The following RABGAP1L variants were observed in gnomAD, a reference collection of about 807,000 sequenced individuals.
RABGAP1L encodes rab GTPase-activating protein 1-like.
Under a neutral mutation model 137.7 loss-of-function variants are expected in RABGAP1L, and 63 were observed. That is an observed-to-expected ratio of 0.46 (90% CI 0.37 to 0.56). The LOEUF (loss-of-function observed/expected upper bound fraction) is 0.56, where lower values mean the gene tolerates loss of function less well. Ranked by LOEUF, RABGAP1L falls within the 20% of genes least tolerant of loss-of-function variation. The probability of loss-of-function intolerance (pLI) is 0.00; values close to 1 mark genes in which losing one functional copy is unlikely to be tolerated. For missense variants in RABGAP1L, 1,095 were observed against 1,244.0 expected (o/e 0.88, Z 1.80); for synonymous variants, 431 against 433.7 (o/e 0.99, Z 0.08).
At chr1:174,399,068 A>G (rs764516686) in intron 13 of RABGAP1L, among the ~76,000 whole-genome samples, 1 of 152,204 alleles carries the variant, frequency 6.6e-6, no homozygotes, top group Non-Finnish European at 1.5e-5. Flanking sequence ...TACAAACAAT[A>G]TAGAAATGTG....
intron 13 of RABGAP1L, among the ~76,000 whole-genome samples, chr1:174,611,565 T>C (rs889611520): frequency 6.7e-6 from 1 of 149,552 alleles, no homozygotes; most frequent in African/African-American, 2.5e-5. Flanking sequence ...ATATGAACTT[T>C]AAAGTAGTTT....
intron 17 of RABGAP1L, chr1:174,705,406 C>T (rs1679975173): frequency 6.6e-6 from 1 of 152,114 alleles, no homozygotes; most frequent in South Asian, 2.1e-4. Context: ...ATTTATTAGC[C>T]TTCCCGTCAC....
chr1:174,191,973 G>A lies in RABGAP1L; in HGVS notation c.-33-27152G>A, dbSNP rs572116258. Among the ~76,000 whole-genome samples the A allele has an allele frequency of 3.9e-5, 6 of 152,242 alleles. No homozygotes were observed. The South Asian group carries it at 1.2e-3, about 32-fold the overall frequency. ...TAGGACTGAATGCATTTATACTAGA[G>A]TCTGCTTTCTGTGCAGCAGTAAAAG... On this transcript the variant is annotated intron_variant, in intron 1 of 25. Coordinates refer to ENST00000681986, the MANE Select transcript of RABGAP1L (RefSeq NM_001366446.1).
chr1:174,984,057 C>CA (rs1163719976), intron 24 of RABGAP1L, among the ~76,000 whole-genome samples: 3,204 of 114,982 alleles, frequency 0.028, 104 homozygotes, highest in African/African-American at 0.091. Context: ...TTTCTTCTAA[C>CA]AAAAAAAAAA....
At chr1:174,337,607 T>A (rs1178104677) in intron 11 of RABGAP1L, among the ~76,000 whole-genome samples, 1 of 152,162 alleles carries the variant, frequency 6.6e-6, no homozygotes, top group Non-Finnish European at 1.5e-5. Context: ...TTGTAAAATG[T>A]TAACAGAGAA....
At chr1:174,232,048 A>G (rs1670706811) in intron 4 of RABGAP1L, among the ~76,000 whole-genome samples, 1 of 152,242 alleles carries the variant, frequency 6.6e-6, no homozygotes, top group African/African-American at 2.4e-5. Context: ...CTGAATGAGC[A>G]TAAAAATCTG....
chr1:174,245,568 A>C (rs1672184924), intron 5 of RABGAP1L: 1 of 152,156 alleles, frequency 6.6e-6, no homozygotes, highest in Non-Finnish European at 1.5e-5. Context: ...TAGCTGTTTT[A>C]AAAATTTTAA....
At chr1:174,981,888 C>T (rs1223427455) in intron 23 of RABGAP1L, among the ~76,000 whole-genome samples, 1 of 152,092 alleles carries the variant, frequency 6.6e-6, no homozygotes. Flanking sequence ...AACCCCTTTG[C>T]ATACTTTTTT....
chr1:174,923,452 CA>C (rs1042602955), intron 19 of RABGAP1L, among the ~76,000 whole-genome samples: 2 of 152,172 alleles, frequency 1.3e-5, no homozygotes, highest in Non-Finnish European at 2.9e-5. Flanking sequence ...AGGTTTTAAA[CA>C]GTTTATTTCA....
intron 15 of RABGAP1L, among the ~76,000 whole-genome samples, chr1:174,692,435 A>C (rs1001595776): frequency 6.6e-6 from 1 of 152,182 alleles, no homozygotes; most frequent in Non-Finnish European, 1.5e-5. Context: ...TGTGCTATAG[A>C]GTATATCCCA....
intron 13 of RABGAP1L, among the ~76,000 whole-genome samples, chr1:174,557,023 G>A (rs1666926098): frequency 6.6e-6 from 1 of 152,142 alleles, no homozygotes; most frequent in Non-Finnish European, 1.5e-5. Context: ...GACATGAACT[G>A]GCACATTTAT....
intron 13 of RABGAP1L, among the ~76,000 whole-genome samples, chr1:174,574,553 A>AT (rs35125852): frequency 0.035 from 5,335 of 152,138 alleles, 125 homozygotes; most frequent in Middle Eastern, 0.088. Flanking sequence ...TACCAGTACC[A>AT]TTTTTTCAAA....
chr1:174,756,104 G>A (rs890740307), intron 18 of RABGAP1L, among the ~76,000 whole-genome samples: 2 of 152,110 alleles, frequency 1.3e-5, no homozygotes, highest in Non-Finnish European at 2.9e-5. Flanking sequence ...AGGTGCTATT[G>A]TTAGAGACAG....
chr1:174,293,894 T>A (rs1676860444), intron 10 of RABGAP1L, among the ~76,000 whole-genome samples: 1 of 152,044 alleles, frequency 6.6e-6, no homozygotes, highest in Non-Finnish European at 1.5e-5. Flanking sequence ...CTGGTAAAAA[T>A]GTTACAATAC....
At chr1:174,384,839 AT>A (rs1686610588) in intron 12 of RABGAP1L, among the ~76,000 whole-genome samples, 1 of 152,180 alleles carries the variant, frequency 6.6e-6, no homozygotes, top group Non-Finnish European at 1.5e-5. Flanking sequence ...ACCACTACAG[AT>A]TTCTGTCCAA....
intron 4 of RABGAP1L, among the ~76,000 whole-genome samples, chr1:174,237,227 T>A (rs1671283372): frequency 6.9e-6 from 1 of 144,526 alleles, no homozygotes; most frequent in African/African-American, 2.6e-5. Flanking sequence ...TTTATCCAAT[T>A]TGCCAGTCTG....
At chr1:174,657,039 C>G (rs898961770) in intron 14 of RABGAP1L, among the ~76,000 whole-genome samples, 2 of 152,162 alleles carry the variant, frequency 1.3e-5, no homozygotes, top group African/African-American at 2.4e-5. Context: ...GCATTGCTCT[C>G]TAAGTTCTCA....
At chr1:174,797,701 T>TGTGTGGG (rs1436534539) in intron 18 of RABGAP1L, among the ~76,000 whole-genome samples, 2 of 138,222 alleles carry the variant, frequency 1.4e-5, no homozygotes, top group Non-Finnish European at 3.1e-5. Flanking sequence ...TGTGTGTGTG[T>TGTGTGGG]GTGTGGGGTG....
intron 11 of RABGAP1L, among the ~76,000 whole-genome samples, chr1:174,307,803 T>C (rs1678442302): frequency 6.6e-6 from 1 of 152,172 alleles, no homozygotes; most frequent in Non-Finnish European, 1.5e-5. Context: ...CCCTTTGACA[T>C]ACTGGTTCAT....
Sources: gnomAD v4.1 joint callset for allele counts (sites outside exome capture counted in the v4.1 genomes callset) on GRCh38, gnomAD v4.1.1 for gene constraint, MANE v1.5 for transcripts, NCBI Gene and HGNC (gene_info 2026-07-23, HGNC 2026-07-21) for gene names.